Variants in TUSC3 observed in about 807,000 individuals in gnomAD.
The protein encoded by TUSC3 is tumor suppressor candidate 3.
A neutral mutation model predicts 44.8 loss-of-function variants in TUSC3; 45 were observed. The ratio of observed to expected loss-of-function variants is 1.00; its 90% CI spans 0.79 to 1.29. The LOEUF (loss-of-function observed/expected upper bound fraction) is 1.29. TUSC3 is among the 50% of genes most tolerant of loss of function. The pLI, the probability that TUSC3 is intolerant of heterozygous loss-of-function variation, is 0.00. For synonymous variants in TUSC3, 212 were observed against 152.9 expected (o/e 1.39, Z -2.85); for missense variants, 519 against 437.9 (o/e 1.19, Z -1.65).
chr8:15,589,413 A>G (rs545702464), intron 1 of TUSC3, among the ~76,000 whole-genome samples: 1 of 152,226 alleles, frequency 6.6e-6, no homozygotes, highest in South Asian at 2.1e-4. Context: ...TAAGATTAGC[A>G]TGTGGAGCAA....
At chr8:15,664,804 A>T (rs1466675245) in intron 5 of TUSC3, among the ~76,000 whole-genome samples, 1 of 149,656 alleles carries the variant, frequency 6.7e-6, no homozygotes, top group East Asian at 1.9e-4. Flanking sequence ...TATATAATTT[A>T]CATTATATGT....
At position 15,765,101 on chromosome 8, in the gene TUSC3, T is replaced by A. The variant is rs1016891583; in HGVS notation, c.*945T>A. The A allele has an allele frequency of 6.6e-6, 1 of 152,048 alleles. No individual in the cohort carries two copies. The allele number at this position is 152,048 out of a possible 1,614,324, so 9.4% of individuals were successfully genotyped here. On this transcript the variant is annotated 3_prime_UTR_variant, in exon 11 of 11. Coordinates refer to ENST00000503731, the MANE Select transcript of TUSC3 (RefSeq NM_006765.4). Reference sequence around the variant, plus strand: ...ACAAACATAGGAGTGTAATGTACTATTATGTTTGTATCCTGTTTTAGTTTA... The same window carrying A: ...ACAAACATAGGAGTGTAATGTACTAATATGTTTGTATCCTGTTTTAGTTTA...
Position 15,478,145 on chromosome 8 carries a change from C to T in TUSC3, n.92-5241C>T, listed in dbSNP as rs940920429. Among the ~76,000 whole-genome samples, 8 of 151,812 alleles carry T rather than the reference C, an allele frequency of 5.3e-5. No homozygotes were observed. In the South Asian group the frequency reaches 8.3e-4, roughly 16 times the overall value. ...CTAACTTTTGTATTTTTAGTAGAGA[C>T]GGGGTTTCTACTAAAAGACCATGTG... On this transcript the variant is annotated intron_variant and non_coding_transcript_variant, in intron 1 of 5. Transcript: ENST00000503191.
chr8:15,492,829 A>C (rs992079573), intron 2 of TUSC3, among the ~76,000 whole-genome samples: 1 of 152,094 alleles, frequency 6.6e-6, no homozygotes. Flanking sequence ...TATCCATATG[A>C]GTTTTTATCT....
the TUSC3 span, among the ~76,000 whole-genome samples, chr8:15,801,089 G>A: frequency 6.6e-6 from 1 of 152,146 alleles, no homozygotes; most frequent in African/African-American, 2.4e-5. Flanking sequence ...AGTTTATTAA[G>A]AAAGTAAAAG....
chr8:15,667,473 T>G (rs1207300399), intron 5 of TUSC3, among the ~76,000 whole-genome samples: 1 of 151,750 alleles, frequency 6.6e-6, no homozygotes, highest in Non-Finnish European at 1.5e-5. Context: ...CACCTGTTTA[T>G]TAAGTAATGT....
chr8:15,489,708 T>C (rs1204913240), intron 2 of TUSC3, among the ~76,000 whole-genome samples: 3 of 152,178 alleles, frequency 2.0e-5, no homozygotes, highest in Admixed American at 6.5e-5. Context: ...TGTTTTAATG[T>C]GAATGTTGGC....
the TUSC3 span, among the ~76,000 whole-genome samples, chr8:15,800,676 C>G: frequency 3.0e-4 from 45 of 152,094 alleles, no homozygotes; most frequent in Non-Finnish European, 6.3e-4. Context: ...TCTGTGCTAT[C>G]TGCTCACCTG....
chr8:15,757,132 G>C (rs1431479410), intron 9 of TUSC3, among the ~76,000 whole-genome samples: 1 of 152,068 alleles, frequency 6.6e-6, no homozygotes, highest in Non-Finnish European at 1.5e-5. Context: ...CTGAGAATCT[G>C]TCTCTAAAAA....
chr8:15,566,456 T>C (rs761160194), intron 1 of TUSC3, among the ~76,000 whole-genome samples: 3 of 152,160 alleles, frequency 2.0e-5, no homozygotes, highest in Non-Finnish European at 4.4e-5. Context: ...GGCCTAAGTT[T>C]AAAGATTTTT....
chr8:15,531,598 G>C (rs1470209922), intron 2 of TUSC3, among the ~76,000 whole-genome samples: 1 of 152,154 alleles, frequency 6.6e-6, no homozygotes, highest in Non-Finnish European at 1.5e-5. Context: ...ACTTGCCTTG[G>C]TCTCTTCTTC....
intron 9 of TUSC3, 136 bp from the exon 10 acceptor site, chr8:15,757,655 C>A: frequency 2.7e-6 from 3 of 1,093,064 alleles, no homozygotes; most frequent in African/African-American, 1.6e-5. Context: ...TCTGTAAAGG[C>A]ACCATCGTCT....
chr8:15,821,359 A>ATTTT, the TUSC3 span, among the ~76,000 whole-genome samples: 55,485 of 130,260 alleles, frequency 0.43, 13,332 homozygotes, highest in Non-Finnish European at 0.55. Flanking sequence ...GTATCTAGGC[A>ATTTT]TTTTTTTTTT....
chr8:15,754,767 C>A (rs892262564), intron 9 of TUSC3, among the ~76,000 whole-genome samples: 1 of 147,146 alleles, frequency 6.8e-6, no homozygotes, highest in Non-Finnish European at 1.5e-5. Flanking sequence ...ATGTACAGAA[C>A]CGTGATCATA....
the TUSC3 span, among the ~76,000 whole-genome samples, chr8:15,849,752 C>G: frequency 2.0e-5 from 3 of 152,068 alleles, no homozygotes; most frequent in African/African-American, 2.4e-5. Context: ...ACAATGCTTT[C>G]TGCCCAAGCA....
chr8:15,746,233 A>G (rs1395869271), intron 8 of TUSC3, among the ~76,000 whole-genome samples: 1 of 152,058 alleles, frequency 6.6e-6, no homozygotes, highest in Admixed American at 6.6e-5. Flanking sequence ...TATGATACTC[A>G]ATTTATTAAA....
At chr8:15,536,082 C>T (rs1389286866), upstream of TUSC3, among the ~76,000 whole-genome samples, 2 of 152,086 alleles carry the variant, frequency 1.3e-5, no homozygotes, top group Non-Finnish European at 2.9e-5. Flanking sequence ...CAGTGTGCCC[C>T]AGGGAATACA....
chr8:15,572,785 G>C (rs1350328117), intron 1 of TUSC3, among the ~76,000 whole-genome samples: 1 of 152,168 alleles, frequency 6.6e-6, no homozygotes, highest in Non-Finnish European at 1.5e-5. Flanking sequence ...TGTGAGAAGA[G>C]TGGAGGTGGG....
chr8:15,706,801 A>G (rs1230494627), intron 6 of TUSC3, among the ~76,000 whole-genome samples: 6 of 151,808 alleles, frequency 4.0e-5, no homozygotes, highest in African/African-American at 1.2e-4. Flanking sequence ...GTACAATGAC[A>G]CTTTAATAAA....
Sources: gnomAD v4.1 joint callset for allele counts (sites outside exome capture counted in the v4.1 genomes callset) on GRCh38, gnomAD v4.1.1 for gene constraint, MANE v1.5 for transcripts, NCBI Gene and HGNC (gene_info 2026-07-23, HGNC 2026-07-21) for gene names.